Variants in SGCZ observed in about 807,000 individuals in gnomAD.
SGCZ encodes sarcoglycan zeta.
SGCZ carries 40 observed loss-of-function variants against 41.3 expected under a neutral mutation model. The ratio of observed to expected loss-of-function variants is 0.97; its 90% CI spans 0.75 to 1.26. The LOEUF is 1.26. SGCZ is among the 50% of genes most tolerant of loss of function. SGCZ has a pLI of 0.00. For synonymous variants in SGCZ, 206 were observed against 137.5 expected (o/e 1.50, Z -3.49); for missense variants, 552 against 369.8 (o/e 1.49, Z -4.04).
chr8:15,139,509 T>C (rs1418449190), intron 1 of SGCZ, among the ~76,000 whole-genome samples: 1 of 152,152 alleles, frequency 6.6e-6, no homozygotes, highest in Non-Finnish European at 1.5e-5. Flanking sequence ...TGGAAATAAA[T>C]ATTATTGTGT....
chr8:15,181,665 T>G (rs1366838990), intron 1 of SGCZ, among the ~76,000 whole-genome samples: 1 of 152,078 alleles, frequency 6.6e-6, no homozygotes, highest in Non-Finnish European at 1.5e-5. Flanking sequence ...TAAAAAAAAG[T>G]CACCTAAAAA....
intron 1 of SGCZ, among the ~76,000 whole-genome samples, chr8:14,715,937 T>C (rs1190312901): frequency 1.3e-5 from 2 of 152,124 alleles, no homozygotes; most frequent in African/African-American, 4.8e-5. Flanking sequence ...CAGTATATAC[T>C]GGTAAGATAA....
In SGCZ at chr8:14,961,802, A is replaced by G. The variant is rs1051259148; in HGVS notation, c.39+275783T>C. Among the ~76,000 whole-genome samples the G allele has an allele frequency of 4.6e-5, 7 of 152,128 alleles. 1 individual carries two copies. The highest frequency in any genetic ancestry group is 4.1e-4 in the South Asian group (2 of 4,830). ...TCAGAACCCCACAAGTAGTGTAAGC[A>G]GTTGGGTAGTACAGGATCACTCAAC... On this transcript the variant is annotated intron_variant, in intron 1 of 7. Coordinates refer to ENST00000382080, the MANE Select transcript of SGCZ (RefSeq NM_139167.4).
At chr8:14,935,271 T>A (rs1019189645) in intron 1 of SGCZ, among the ~76,000 whole-genome samples, 2 of 151,800 alleles carry the variant, frequency 1.3e-5, no homozygotes, top group Admixed American at 6.5e-5. Flanking sequence ...ATCACATGTA[T>A]CCTTTTGCAA....
chr8:14,490,360 T>C (rs1801807919), intron 2 of SGCZ, among the ~76,000 whole-genome samples: 1 of 152,216 alleles, frequency 6.6e-6, no homozygotes, highest in Non-Finnish European at 1.5e-5. Context: ...CTGTGCATTA[T>C]AGTGTAAGTT....
intron 1 of SGCZ, among the ~76,000 whole-genome samples, chr8:14,593,483 G>A (rs1344634468): frequency 1.3e-5 from 2 of 152,014 alleles, no homozygotes; most frequent in Non-Finnish European, 2.9e-5. Flanking sequence ...TTGTTTTAGC[G>A]GCAATGGGAA....
intron 1 of SGCZ, among the ~76,000 whole-genome samples, chr8:14,597,307 A>G (rs865988689): frequency 6.6e-6 from 1 of 152,204 alleles, no homozygotes; most frequent in South Asian, 2.1e-4. Context: ...AGGGCATACA[A>G]AAGTCAAGGA....
chr8:14,778,203 G>T (rs1025328321), intron 1 of SGCZ, among the ~76,000 whole-genome samples: 3 of 152,070 alleles, frequency 2.0e-5, no homozygotes, highest in Admixed American at 6.6e-5. Context: ...GAAATTACAG[G>T]CATGAGCCAG....
At chr8:14,307,904 A>G (rs993671505) in intron 3 of SGCZ, among the ~76,000 whole-genome samples, 1 of 152,256 alleles carries the variant, frequency 6.6e-6, no homozygotes, top group Admixed American at 6.6e-5. Context: ...TTTGCATACC[A>G]AAGTTTAACT....
intron 1 of SGCZ, among the ~76,000 whole-genome samples, chr8:14,658,148 G>T (rs1807634365): frequency 6.6e-6 from 1 of 152,158 alleles, no homozygotes; most frequent in African/African-American, 2.4e-5. Flanking sequence ...CCTCTCAGAT[G>T]ATGACAACTT....
In SGCZ at chr8:14,438,837, A is replaced by C. The variant is rs1437748023; in HGVS notation, c.235-114633T>G. On this transcript the variant is annotated intron_variant, in intron 2 of 7. Coordinates refer to ENST00000382080, the MANE Select transcript of SGCZ (RefSeq NM_139167.4). Reference sequence around the variant, plus strand: ...CTTAACATCATATTCTTCGACTCAAAGCCCTATTAGCCTGTCATTTTCAAG... The same window carrying C: ...CTTAACATCATATTCTTCGACTCAACGCCCTATTAGCCTGTCATTTTCAAG... Among the ~76,000 whole-genome samples the C allele has an allele frequency of 3.9e-5, 6 of 152,236 alleles. No individual in the cohort carries two copies. The East Asian group carries it at 1.2e-3, about 29-fold the overall frequency.
At chr8:14,678,987 A>G (rs191392700) in intron 1 of SGCZ, among the ~76,000 whole-genome samples, 2 of 152,306 alleles carry the variant, frequency 1.3e-5, no homozygotes, top group East Asian at 1.9e-4. Flanking sequence ...AGTCAAGGAC[A>G]GACAGCACGT....
intron 1 of SGCZ, among the ~76,000 whole-genome samples, chr8:14,903,260 A>G (rs1799025467): frequency 6.6e-6 from 1 of 152,176 alleles, no homozygotes; most frequent in African/African-American, 2.4e-5. Context: ...CAAATACATG[A>G]CAGTGTAGAT....
chr8:14,837,605 G>T (rs1229960636), intron 1 of SGCZ, among the ~76,000 whole-genome samples: 1 of 152,108 alleles, frequency 6.6e-6, no homozygotes, highest in Admixed American at 6.5e-5. Context: ...AAAGTGGTAG[G>T]CCTACTCCAC....
rs75705519 is a variant in SGCZ, at chr8:14,890,997, A to G, written c.40-336071T>C. On this transcript the variant is annotated intron_variant, in intron 1 of 7. Transcript: ENST00000382080. ...TAGTTTAAGCCCTCTATTGAGACCT[A>G]TTCCTGAGAAAAACAAGATTCCTTT... Among the ~76,000 whole-genome samples, 333 of 152,304 alleles carry G rather than the reference A, an allele frequency of 2.2e-3. 1 individual carries two copies. The highest frequency in any genetic ancestry group is 7.6e-3 in the African/African-American group (315 of 41,560).
chr8:14,340,999 G>A (rs1052766488), intron 2 of SGCZ, among the ~76,000 whole-genome samples: 15 of 152,090 alleles, frequency 9.9e-5, no homozygotes, highest in African/African-American at 2.9e-4. Context: ...TCTCTGAACT[G>A]CTCGAGGAGC....
intron 1 of SGCZ, among the ~76,000 whole-genome samples, chr8:14,818,940 T>C (rs1204438903): frequency 6.6e-6 from 1 of 151,956 alleles, no homozygotes; most frequent in East Asian, 1.9e-4. Context: ...TCATTACAGG[T>C]ATTCCAGTTG....
intron 2 of SGCZ, among the ~76,000 whole-genome samples, chr8:14,489,397 T>C (rs1801775867): frequency 1.3e-5 from 2 of 151,802 alleles, no homozygotes; most frequent in East Asian, 3.9e-4. Context: ...ATTATAAATA[T>C]AATTCAAATA....
chr8:14,934,256 A>G (rs1022587214), intron 1 of SGCZ, among the ~76,000 whole-genome samples: 6 of 152,004 alleles, frequency 3.9e-5, no homozygotes, highest in Non-Finnish European at 7.4e-5. Flanking sequence ...AAGAATAGAC[A>G]GCAGAATAAA....
Sources: allele counts gnomAD v4.1 joint callset (sites outside exome capture counted in the v4.1 genomes callset), GRCh38; gene constraint gnomAD v4.1.1; transcripts MANE v1.5; gene names NCBI Gene and HGNC (gene_info 2026-07-23, HGNC 2026-07-21).